PCNX2: variants seen among roughly 807,000 people sequenced by gnomAD.
The protein encoded by PCNX2 is pecanex-like protein 2.
In PCNX2, 168 loss-of-function variants were observed where a neutral mutation model predicts 223.8. That is an observed-to-expected ratio of 0.75 (90% CI 0.66 to 0.85). The LOEUF (loss-of-function observed/expected upper bound fraction) is 0.85. Among genes scored for constraint, PCNX2 ranks in the 40% least tolerant of loss-of-function variants. The probability of loss-of-function intolerance (pLI) is 0.00; values close to 1 mark genes in which losing one functional copy is unlikely to be tolerated. For synonymous variants in PCNX2, 1,006 were observed against 1,052.6 expected, an observed-to-expected ratio of 0.96 and a Z score of 0.86; for missense variants, 2,507 against 2,675.5, an observed-to-expected ratio of 0.94 and a Z score of 1.39.
chr1:233,139,184 G>T lies in PCNX2; in HGVS notation c.3659+530C>A, dbSNP rs1453617501. Among the ~76,000 whole-genome samples, 344 of 152,292 alleles carry T rather than the reference G, an allele frequency of 2.3e-3. No individual in the cohort carries two copies. The highest frequency in any genetic ancestry group is 8.1e-3 in the African/African-American group (336 of 41,564). ...AATATATGAAACCAATAACTCGACT[G>T]TACATTGTTAATGCTTTGAAAGACA... On this transcript the variant is annotated intron_variant, in intron 20 of 33. Coordinates refer to ENST00000258229, the MANE Select transcript of PCNX2 (RefSeq NM_014801.4). This position sits in a 1 kb window ranked among gnomAD's most constrained non-coding sequence, Gnocchi z 4.4.
At chr1:233,146,716 GA>G (rs1305006418) in intron 19 of PCNX2, among the ~76,000 whole-genome samples, 2 of 152,154 alleles carry the variant, frequency 1.3e-5, no homozygotes, top group Non-Finnish European at 2.9e-5. Flanking sequence ...AGTGCTATTA[GA>G]AAAACATATG....
At chr1:233,200,566 A>G (rs945349448) in intron 13 of PCNX2, among the ~76,000 whole-genome samples, 2 of 152,004 alleles carry the variant, frequency 1.3e-5, no homozygotes, top group Non-Finnish European at 2.9e-5. Context: ...ATCCTGAGAA[A>G]GAAGTACTGA....
chr1:233,017,024 T>C lies in PCNX2; in HGVS notation c.4736A>G (p.Asn1579Ser), dbSNP rs923444995. The stretch of plus-strand genomic sequence containing the variant: ...ACACGGGACGTAGTCATCATCAATG[T>C]TAATGTTGAACATTGCAAGGTCACG... ...IERDLAMFNI[N>S]IDDDYVPCLQ... is the part of the protein sequence containing the mutation. Residue 1579 changes from asparagine to serine, a missense_variant, in exon 27 of 34, where the codon AAC (asparagine) becomes AGC (serine). Asn to Ser is a conservative substitution (Grantham distance 46). This residue lies in a region of PCNX2 where 1,372 missense variants were observed against 1,509.4 expected (regional missense o/e 0.91). Coordinates refer to ENST00000258229, the MANE Select transcript of PCNX2 (RefSeq NM_014801.4). 18 of 1,613,894 alleles carry C rather than the reference T, an allele frequency of 1.1e-5. No individual in the cohort carries two copies. The highest frequency in any genetic ancestry group is 1.5e-5 in the Non-Finnish European group (18 of 1,179,884).
intron 19 of PCNX2, among the ~76,000 whole-genome samples, chr1:233,144,957 T>TG (rs954822532): frequency 8.4e-5 from 12 of 142,764 alleles, no homozygotes; most frequent in African/African-American, 2.4e-4. Context: ...TGTTTTGTTT[T>TG]TTTTTTTTGT....
At chr1:233,123,582 C>CA (rs5781727) in intron 21 of PCNX2, among the ~76,000 whole-genome samples, 10,276 of 137,222 alleles carry the variant, frequency 0.075, 499 homozygotes, top group East Asian at 0.27. Flanking sequence ...GACTCTGTCT[C>CA]AAAAAAAAAA....
At chr1:233,188,811 G>A (rs375597275) in intron 15 of PCNX2, among the ~76,000 whole-genome samples, 39 of 152,216 alleles carry the variant, frequency 2.6e-4, no homozygotes, top group African/African-American at 7.5e-4. Flanking sequence ...ATGAGCCACC[G>A]CACCGGGCAA....
In PCNX2 at chr1:233,007,069, A is replaced by C. The variant is rs374198712; in HGVS notation, c.4953-5388T>G. ...TCTCCTGCTGCAATTCCCCAAACAA[A>C]AACAATGATCCAAAGGCATGTACAG... On this transcript the variant is annotated intron_variant, in intron 28 of 33. Coordinates refer to ENST00000258229, the MANE Select transcript of PCNX2 (RefSeq NM_014801.4). Among the ~76,000 whole-genome samples the C allele has an allele frequency of 5.3e-5, 8 of 151,918 alleles. No homozygotes were observed. The South Asian group carries it at 1.5e-3, about 28-fold the overall frequency.
chr1:233,157,129 T>C (rs953848609), intron 19 of PCNX2, among the ~76,000 whole-genome samples: 56 of 152,306 alleles, frequency 3.7e-4, no homozygotes, highest in Admixed American at 3.2e-3. Flanking sequence ...GAAGATGGCA[T>C]GTCAAACTTT....
intron 10 of PCNX2, among the ~76,000 whole-genome samples, chr1:233,223,991 C>T (rs1448011048): frequency 6.6e-6 from 1 of 152,186 alleles, no homozygotes; most frequent in Non-Finnish European, 1.5e-5. Flanking sequence ...CCTTTATGTG[C>T]TTCCTTCATG....
At chr1:233,233,471 T>TGTGTGTGTG (rs1459806929) in intron 9 of PCNX2, among the ~76,000 whole-genome samples, 1 of 147,670 alleles carries the variant, frequency 6.8e-6, no homozygotes, top group African/African-American at 2.5e-5. Context: ...TGTGTGTGTA[T>TGTGTGTGTG]TTTAAGTGAC....
At chr1:233,048,865 G>T (rs1572046050) in intron 25 of PCNX2, among the ~76,000 whole-genome samples, 1 of 152,222 alleles carries the variant, frequency 6.6e-6, no homozygotes, top group African/African-American at 2.4e-5. Context: ...GATCTTCAGA[G>T]ACTATTATGA....
chr1:233,125,520 C>T (rs1222169936), intron 21 of PCNX2, among the ~76,000 whole-genome samples: 1 of 152,202 alleles, frequency 6.6e-6, no homozygotes, highest in East Asian at 1.9e-4. Flanking sequence ...CCAGCCACTT[C>T]CATCTGCTTC....
At chr1:233,228,977 G>A (rs975589612) in intron 9 of PCNX2, among the ~76,000 whole-genome samples, 3 of 152,208 alleles carry the variant, frequency 2.0e-5, no homozygotes, top group African/African-American at 7.2e-5. Context: ...AAAGGGATGA[G>A]TATGGGACAA....
intron 28 of PCNX2, among the ~76,000 whole-genome samples, chr1:233,010,953 T>A (rs1231346081): frequency 6.6e-6 from 1 of 152,258 alleles, no homozygotes; most frequent in African/African-American, 2.4e-5. Flanking sequence ...AAGTGAAGCA[T>A]ATGTTTAAGA....
At position 233,001,457 on chromosome 1, in the gene PCNX2, C is replaced by T. The variant is rs1670081200; in HGVS notation, c.5097+80G>A. ...TTGTGCCATTGCACCCCAGCCTGGG[C>T]AACAAGAGCGAAACTCCATCTCATA... On this transcript the variant is annotated intron_variant, in intron 29 of 33. Transcript: ENST00000258229. This position sits in a 1 kb window ranked among gnomAD's most constrained non-coding sequence, Gnocchi z 4.2. 1.0e-6 allele frequency: 1 copy of T among 976,724 alleles called. No individual in the cohort carries two copies. The highest frequency in any genetic ancestry group is 1.3e-6 in the Non-Finnish European group (1 of 785,452). 60.5% of individuals were successfully genotyped at this position (976,724 alleles called of 1,614,324 possible). A position where few individuals can be genotyped will look rare whatever the true frequency, so the allele number is the denominator to read the frequency against.
In PCNX2 at chr1:233,014,789, A is replaced by G. The variant is rs1670592356; in HGVS notation, c.4840-12T>C. Reference sequence around the variant, plus strand: ...AGGGTCGTTGAAGGCTGAAAGAGCAAGAAGTTAACTCAGCTTTCACACAGA... The same window carrying G: ...AGGGTCGTTGAAGGCTGAAAGAGCAGGAAGTTAACTCAGCTTTCACACAGA... On this transcript the variant is annotated splice_polypyrimidine_tract_variant and intron_variant, in intron 27 of 33. Transcript: ENST00000258229. The G allele has an allele frequency of 9.4e-6, 15 of 1,596,626 alleles. No homozygotes were observed. Among genetic ancestry groups the G allele is most frequent in the Non-Finnish European group, 1.3e-5 (15 of 1,164,332 alleles).
At chr1:232,995,655 T>C (rs1163530037) in intron 32 of PCNX2, among the ~76,000 whole-genome samples, 2 of 140,566 alleles carry the variant, frequency 1.4e-5, no homozygotes, top group African/African-American at 5.4e-5. Flanking sequence ...GATTGTATAG[T>C]TTGATTATTA....
chr1:233,083,297 G>A (rs1673446552), intron 23 of PCNX2, among the ~76,000 whole-genome samples: 1 of 152,162 alleles, frequency 6.6e-6, no homozygotes, highest in Admixed American at 6.5e-5. Flanking sequence ...GAAAAAGAGG[G>A]TGGCAAAGGA....
the PCNX2 span, among the ~76,000 whole-genome samples, chr1:233,327,131 A>G: frequency 6.6e-6 from 1 of 151,298 alleles, no homozygotes; most frequent in African/African-American, 2.4e-5. Context: ...CTCTCCCTGA[A>G]CTGCAACTCT....
Sources: gnomAD v4.1 joint callset for allele counts (sites outside exome capture counted in the v4.1 genomes callset) on GRCh38, gnomAD v4.1.1 for gene constraint, gnomAD v4.1.1 regional missense constraint, Gnocchi (gnomAD v3.1) non-coding constraint, MANE v1.5 for transcripts, NCBI Gene and HGNC (gene_info 2026-07-23, HGNC 2026-07-21) for gene names.